Variants in FGF12 observed in about 807,000 individuals in gnomAD.
The protein encoded by FGF12 is fibroblast growth factor 12, also known as fibroblast growth factor 12B.
FGF12 carries 14 observed loss-of-function variants against 23.6 expected under a neutral mutation model. The observed-to-expected ratio is 0.59, with a 90% confidence interval of 0.39 to 0.93. The LOEUF (loss-of-function observed/expected upper bound fraction) is 0.93, where lower values mean the gene tolerates loss of function less well. Ranked by LOEUF, FGF12 falls within the 40% of genes least tolerant of loss-of-function variation. FGF12 has a pLI of 0.00. For missense variants in FGF12, 175 were observed against 217.8 expected, an observed-to-expected ratio of 0.80 and a Z score of 1.24; for synonymous variants, 62 against 77.3, an observed-to-expected ratio of 0.80 and a Z score of 1.04.
chr3:192,306,185 A>G (rs988187499), intron 4 of FGF12, among the ~76,000 whole-genome samples: 1 of 152,156 alleles, frequency 6.6e-6, no homozygotes, highest in Non-Finnish European at 1.5e-5. Context: ...ACAAAAACAC[A>G]CAGTTGGATT....
intron 5 of FGF12, among the ~76,000 whole-genome samples, chr3:192,167,772 A>ATATATTTTTTTTTTTTT (rs1715302128): frequency 6.5e-5 from 1 of 15,396 alleles, no homozygotes; most frequent in African/African-American, 2.2e-4. Context: ...TATATATAAA[A>ATATATTTTTTTTTTTTT]TTTTTTTTTT....
chr3:192,322,476 T>A (rs1236064907), intron 4 of FGF12, among the ~76,000 whole-genome samples: 2 of 147,732 alleles, frequency 1.4e-5, no homozygotes, highest in East Asian at 2.0e-4. Context: ...AATCCTAAAA[T>A]TTATAATTTA....
chr3:192,492,496 TG>T (rs1475667805), intron 2 of FGF12, among the ~76,000 whole-genome samples: 11 of 152,100 alleles, frequency 7.2e-5, no homozygotes, highest in Non-Finnish European at 1.5e-5. Context: ...CAGAGTTTTT[TG>T]AAACAGTCTC....
At chr3:192,710,252 G>A (rs1718621494) in intron 2 of FGF12, among the ~76,000 whole-genome samples, 1 of 152,058 alleles carries the variant, frequency 6.6e-6, no homozygotes, top group African/African-American at 2.4e-5. Flanking sequence ...TAGTATTTTT[G>A]GATGTAAGTA....
chr3:192,628,442 TACACACACACACACACACACAC>T (rs60991895), intron 2 of FGF12, among the ~76,000 whole-genome samples: 2 of 135,010 alleles, frequency 1.5e-5, no homozygotes, highest in Middle Eastern at 3.8e-3. Flanking sequence ...ACCAAAGGAA[TACACACACACACACACACACAC>T]ACACACACAC....
intron 4 of FGF12, among the ~76,000 whole-genome samples, chr3:192,315,436 C>T (rs1716178729): frequency 6.6e-6 from 1 of 152,146 alleles, no homozygotes; most frequent in Non-Finnish European, 1.5e-5. Flanking sequence ...GCATTTAGGA[C>T]ACATAAATTC....
intron 2 of FGF12, among the ~76,000 whole-genome samples, chr3:192,453,008 T>A (rs554423021): frequency 6.6e-6 from 1 of 152,248 alleles, no homozygotes; most frequent in Non-Finnish European, 1.5e-5. Flanking sequence ...AATTTTCAGT[T>A]ACTTGTTTTC....
intron 2 of FGF12, among the ~76,000 whole-genome samples, chr3:192,397,814 ACT>A (rs1191376784): frequency 2.0e-5 from 3 of 152,168 alleles, no homozygotes; most frequent in Non-Finnish European, 4.4e-5. Flanking sequence ...TACTTTGGGC[ACT>A]TATTTAAATT....
rs1327715784 is a variant in FGF12 at position 192,628,411 on chromosome 3, G to T, written c.13+98770C>A. On this transcript the variant is annotated intron_variant, in intron 2 of 5. Coordinates refer to ENST00000445105, the MANE Select transcript of FGF12 (RefSeq NM_004113.6). ...CTGCCAAATTGTTTTTTCCAGAGAG[G>T]CTATACAATTTTTCATTCCAACCAA... Among the ~76,000 whole-genome samples, 4 of 145,324 alleles carry T rather than the reference G, an allele frequency of 2.8e-5. No individual in the cohort carries two copies. The South Asian group carries it at 8.8e-4, about 32-fold the overall frequency.
intron 2 of FGF12, among the ~76,000 whole-genome samples, chr3:192,431,540 TG>T (rs1721860710): frequency 6.6e-6 from 1 of 152,142 alleles, no homozygotes; most frequent in East Asian, 1.9e-4. Context: ...CTTCCTGTAA[TG>T]AAAAATGACA....
At chr3:192,458,767 A>G (rs1434521823) in intron 2 of FGF12, among the ~76,000 whole-genome samples, 1 of 152,102 alleles carries the variant, frequency 6.6e-6, no homozygotes, top group African/African-American at 2.4e-5. Flanking sequence ...ATTGGTTTTA[A>G]AATTTGAGGA....
At chr3:192,559,038 A>T (rs767834043) in intron 2 of FGF12, among the ~76,000 whole-genome samples, 5 of 151,942 alleles carry the variant, frequency 3.3e-5, no homozygotes, top group Non-Finnish European at 7.4e-5. Context: ...ATCGCTTTTC[A>T]CAAGGATTTC....
intron 2 of FGF12, among the ~76,000 whole-genome samples, chr3:192,442,872 G>C (rs574975283): frequency 2.0e-4 from 30 of 150,572 alleles, no homozygotes; most frequent in African/African-American, 7.3e-4. Flanking sequence ...CAGTGGCGCA[G>C]TCTCGGCTCA....
intron 2 of FGF12, among the ~76,000 whole-genome samples, chr3:192,581,334 G>C (rs1713125949): frequency 6.6e-6 from 1 of 151,760 alleles, no homozygotes; most frequent in African/African-American, 2.4e-5. Flanking sequence ...GGGAGGCTGA[G>C]GCAGGAGGAT....
chr3:192,266,758 C>G (rs1179185001), intron 4 of FGF12, among the ~76,000 whole-genome samples: 1 of 151,558 alleles, frequency 6.6e-6, no homozygotes, highest in Non-Finnish European at 1.5e-5. Flanking sequence ...CTTTATTAAC[C>G]ACGTTCTTTT....
At chr3:192,356,247 A>G (rs1310264280) in intron 3 of FGF12, among the ~76,000 whole-genome samples, 1 of 152,172 alleles carries the variant, frequency 6.6e-6, no homozygotes, top group Non-Finnish European at 1.5e-5. Context: ...GTGCCAGGAC[A>G]GCATCTGCTT....
chr3:192,297,718 A>C (rs1715121263), intron 4 of FGF12, among the ~76,000 whole-genome samples: 2 of 152,234 alleles, frequency 1.3e-5, no homozygotes, highest in African/African-American at 2.4e-5. Context: ...GGTTTGGATA[A>C]GTTCAAAAAG....
intron 2 of FGF12, among the ~76,000 whole-genome samples, chr3:192,559,595 T>C (rs555011046): frequency 1.3e-5 from 2 of 152,008 alleles, no homozygotes; most frequent in Non-Finnish European, 2.9e-5. Flanking sequence ...TGTATACATA[T>C]GTAACAAACC....
intron 2 of FGF12, among the ~76,000 whole-genome samples, chr3:192,612,109 T>C (rs1213506453): frequency 6.6e-6 from 1 of 151,970 alleles, no homozygotes; most frequent in Non-Finnish European, 1.5e-5. Flanking sequence ...CCATGTAGAA[T>C]TGCAACCAAG....
Sources: allele counts gnomAD v4.1 joint callset (sites outside exome capture counted in the v4.1 genomes callset), GRCh38; gene constraint gnomAD v4.1.1; transcripts MANE v1.5; gene names NCBI Gene and HGNC (gene_info 2026-07-23, HGNC 2026-07-21).